The following CDC42BPA variants were observed in gnomAD, a reference collection of about 807,000 sequenced individuals.
CDC42BPA encodes the protein CDC42 binding protein kinase alpha.
Under a neutral mutation model 223.5 loss-of-function variants are expected in CDC42BPA, and 80 were observed. That is an observed-to-expected ratio of 0.36 (90% CI 0.30 to 0.43). The LOEUF (loss-of-function observed/expected upper bound fraction) is 0.43. Among genes scored for constraint, CDC42BPA ranks in the 20% least tolerant of loss-of-function variants. The pLI, the probability that CDC42BPA is intolerant of heterozygous loss-of-function variation, is 1.00. For synonymous variants in CDC42BPA, 694 were observed against 718.6 expected, an observed-to-expected ratio of 0.97 and a Z score of 0.55; for missense variants, 1,743 against 2,099.9, an observed-to-expected ratio of 0.83 and a Z score of 3.32.
chr1:227,198,010 C>T (rs894558770), intron 4 of CDC42BPA, among the ~76,000 whole-genome samples: 31 of 152,136 alleles, frequency 2.0e-4, no homozygotes, highest in African/African-American at 7.2e-4. Flanking sequence ...ATGGTTTTTA[C>T]ACAATTCTCA....
intron 16 of CDC42BPA, among the ~76,000 whole-genome samples, chr1:227,090,742 C>T (rs558700631): frequency 7.9e-5 from 12 of 152,184 alleles, no homozygotes; most frequent in East Asian, 1.9e-4. Flanking sequence ...ACCCAGGAGG[C>T]GGAAGTTGCA....
chr1:227,262,810 C>T (rs1478284159), intron 1 of CDC42BPA, among the ~76,000 whole-genome samples: 1 of 152,208 alleles, frequency 6.6e-6, no homozygotes, highest in African/African-American at 2.4e-5. Flanking sequence ...ATATACTACA[C>T]AGATTTTAAA....
At chr1:226,996,590 T>C (rs1661659139) in intron 35 of CDC42BPA, among the ~76,000 whole-genome samples, 1 of 152,126 alleles carries the variant, frequency 6.6e-6, no homozygotes, top group Non-Finnish European at 1.5e-5. Context: ...CGGTATGATA[T>C]TGGCTGTGGG....
intron 1 of CDC42BPA, among the ~76,000 whole-genome samples, chr1:227,313,818 C>G (rs553053645): frequency 2.2e-4 from 34 of 151,616 alleles, no homozygotes; most frequent in Admixed American, 2.0e-3. Context: ...AGCATAGTAC[C>G]TGCTGATATG....
chr1:227,206,387 G>A (rs892052118), intron 3 of CDC42BPA, among the ~76,000 whole-genome samples: 4 of 152,096 alleles, frequency 2.6e-5, no homozygotes, highest in Admixed American at 6.5e-5. Context: ...CCCAGGTATA[G>A]AAAAGAGAGG....
At chr1:227,083,757 C>G (rs1260836948) in intron 16 of CDC42BPA, among the ~76,000 whole-genome samples, 1 of 152,178 alleles carries the variant, frequency 6.6e-6, no homozygotes, top group Non-Finnish European at 1.5e-5. Flanking sequence ...GATTGAAATA[C>G]TTGGAGACTG....
intron 15 of CDC42BPA, among the ~76,000 whole-genome samples, chr1:227,094,622 C>T (rs1310425035): frequency 6.6e-6 from 1 of 152,168 alleles, no homozygotes; most frequent in African/African-American, 2.4e-5. Context: ...CAGCTTCTTC[C>T]TTCAGGTCAG....
Position 227,074,939 on chromosome 1 carries a change from C to T in CDC42BPA, c.2481-575G>A, listed in dbSNP as rs139706798. Among the ~76,000 whole-genome samples the T allele has an allele frequency of 4.0e-3, 602 of 152,170 alleles. 2 individuals are homozygous for T. Among genetic ancestry groups the T allele is most frequent in the Non-Finnish European group, 7.2e-3 (491 of 67,988 alleles). ...TACTGTCTTAAGGCTATCTAGCTAACGATACAATTATAATTTTAGACAGAA... is the reference window on the plus strand; with the variant it reads ...TACTGTCTTAAGGCTATCTAGCTAATGATACAATTATAATTTTAGACAGAA... On this transcript the variant is annotated intron_variant, in intron 17 of 36. Coordinates refer to ENST00000366766, the MANE Select transcript of CDC42BPA (RefSeq NM_001394014.1).
chr1:227,127,124 C>T (rs1298483678), intron 11 of CDC42BPA, among the ~76,000 whole-genome samples: 4 of 152,004 alleles, frequency 2.6e-5, no homozygotes, highest in Non-Finnish European at 5.9e-5. Context: ...CTATATATTA[C>T]AATAAACACA....
rs375895381 is a variant in CDC42BPA, at chr1:226,993,607, T to C, written c.*661A>G. ...GGCCTTTCCACCCTTTACATTACATTACAGACAAGAAACAACATATTTCTT... is the reference window on the plus strand; with the variant it reads ...GGCCTTTCCACCCTTTACATTACATCACAGACAAGAAACAACATATTTCTT... On this transcript the variant is annotated 3_prime_UTR_variant, in exon 37 of 37. Transcript: ENST00000366766. 2 of 152,686 alleles carry C rather than the reference T, an allele frequency of 1.3e-5. No individual in the cohort carries two copies. Among genetic ancestry groups the C allele is most frequent in the South Asian group, 2.1e-4 (1 of 4,832 alleles). The allele number at this position is 152,686 out of a possible 1,614,324, so 9.5% of individuals were successfully genotyped here. A position where few individuals can be genotyped will look rare whatever the true frequency, so the allele number is the denominator to read the frequency against.
Position 227,029,142 on chromosome 1 carries a change from G to T in CDC42BPA, c.3947C>A (p.Pro1316His). Residue 1316 changes from proline to histidine, a missense_variant, in exon 30 of 37, where the codon CCT becomes CAT. Transcript: ENST00000366766. ...CTCTCGCCCATCCAATGCTGACATA[G>T]GAAAAAGTCGTACATGACGATTTCG... ...SGRNRHVRLF[P>H]MSALDGRETD... 1 of 1,608,744 alleles carries T rather than the reference G, an allele frequency of 6.2e-7. No homozygotes were observed.
intron 1 of CDC42BPA, among the ~76,000 whole-genome samples, chr1:227,280,110 G>C (rs908309095): frequency 5.9e-5 from 9 of 151,962 alleles, no homozygotes; most frequent in Admixed American, 2.0e-4. Context: ...TTAAAACCTT[G>C]TATAAAAAAA....
chr1:227,023,831 G>A (rs1002403528), intron 31 of CDC42BPA, among the ~76,000 whole-genome samples: 5 of 152,062 alleles, frequency 3.3e-5, no homozygotes, highest in Admixed American at 2.6e-4. Context: ...AAACGTAATA[G>A]GCTAAGCTTT....
intron 21 of CDC42BPA, among the ~76,000 whole-genome samples, chr1:227,056,392 C>CTTT (rs566998997): frequency 8.5e-6 from 1 of 118,036 alleles, no homozygotes; most frequent in African/African-American, 3.1e-5. Flanking sequence ...CTTTTCTTTT[C>CTTT]TTTTTTTTTT....
At chr1:227,080,416 G>A (rs1680399082) in intron 17 of CDC42BPA, among the ~76,000 whole-genome samples, 1 of 152,080 alleles carries the variant, frequency 6.6e-6, no homozygotes. Context: ...AAACTAAAAT[G>A]TAACCATTTA....
In CDC42BPA at chr1:226,991,119, C is replaced by T. The variant is rs746585347; in HGVS notation, c.*3149G>A. 7.9e-5 allele frequency: 12 copies of T among 152,482 alleles called. No individual in the cohort carries two copies. Among genetic ancestry groups the T allele is most frequent in the South Asian group, 2.1e-4 (1 of 4,812 alleles). The allele number at this position is 152,482 out of a possible 1,614,324, so 9.4% of individuals were successfully genotyped here. ...ATATATGTATGTAATTTTAAATACC[C>T]AAAGCACAAACATGATTAGTCAGAA... On this transcript the variant is annotated 3_prime_UTR_variant, in exon 37 of 37. Transcript: ENST00000366766.
chr1:227,226,295 T>C (rs76346861), intron 2 of CDC42BPA, among the ~76,000 whole-genome samples: 15,004 of 152,276 alleles, frequency 0.099, 879 homozygotes, highest in Middle Eastern at 0.17. Context: ...GAGAAAATAA[T>C]TGGAAATCTC....
intron 5 of CDC42BPA, among the ~76,000 whole-genome samples, chr1:227,167,931 T>C (rs574912359): frequency 6.9e-4 from 30 of 43,764 alleles, no homozygotes; most frequent in Admixed American, 1.3e-3. Context: ...ATTCTTCTGT[T>C]CTTTTTTTTT....
intron 5 of CDC42BPA, among the ~76,000 whole-genome samples, chr1:227,193,063 C>CT (rs1160548241): frequency 0.021 from 2,512 of 116,966 alleles, 111 homozygotes; most frequent in African/African-American, 0.044. Flanking sequence ...GAAGTGAGAA[C>CT]TTTTTTTTTT....
Sources: allele counts gnomAD v4.1 joint callset (sites outside exome capture counted in the v4.1 genomes callset), GRCh38; gene constraint gnomAD v4.1.1; transcripts MANE v1.5; gene names NCBI Gene and HGNC (gene_info 2026-07-23, HGNC 2026-07-21).